Variants in TMEM135 observed in about 807,000 individuals in gnomAD.
TMEM135 encodes transmembrane protein 135.
In TMEM135, 30 loss-of-function variants were observed where a neutral mutation model predicts 60.3. The observed-to-expected ratio is 0.50, with a 90% CI of 0.37 to 0.68. The LOEUF (loss-of-function observed/expected upper bound fraction) is 0.68, where lower values mean the gene tolerates loss of function less well. Ranked by LOEUF, TMEM135 falls within the 30% of genes least tolerant of loss-of-function variation. TMEM135 has a pLI of 0.00. For synonymous variants in TMEM135, 190 were observed against 186.7 expected (o/e 1.02, Z -0.14); for missense variants, 468 against 548.8 (o/e 0.85, Z 1.47).
rs75602139 is a variant in TMEM135 at position 87,064,961 on chromosome 11, T to C, written c.142-2733T>C. 2.9e-3 allele frequency among the ~76,000 whole-genome samples: 403 copies of C among 138,004 alleles called. 1 individual carries two copies. Among genetic ancestry groups the C allele is most frequent in the African/African-American group, 8.3e-3 (329 of 39,718 alleles). 90.5% of individuals were successfully genotyped at this position (138,004 alleles called of 152,430 possible). On this transcript the variant is annotated intron_variant, in intron 1 of 14. Transcript: ENST00000305494. The stretch of plus-strand genomic sequence containing the variant: ...TAGCTTTAGGATTAGCTTTTTTTTT[T>C]TCCCCCCACTCAGTATAATTCTGTG...
At position 87,327,574 on chromosome 11, in the gene TMEM135, T is replaced by A; in HGVS notation, c.*6241T>A. 2 of 451,226 alleles carry A rather than the reference T, an allele frequency of 4.4e-6. No individual in the cohort carries two copies. The highest frequency in any genetic ancestry group is 8.9e-6 in the Non-Finnish European group (2 of 225,374). The allele number at this position is 451,226 out of a possible 1,614,324, so 28.0% of individuals were successfully genotyped here. On this transcript the variant is annotated 3_prime_UTR_variant, in exon 15 of 15. Transcript: ENST00000305494. Reference sequence around the variant, plus strand: ...ATAGAGAGAGACACAGAGAGAGATATGAGAGGGGATTAAGGGAGTTGGCTC... The same window carrying A: ...ATAGAGAGAGACACAGAGAGAGATAAGAGAGGGGATTAAGGGAGTTGGCTC...
intron 1 of TMEM135, among the ~76,000 whole-genome samples, chr11:87,062,333 A>G (rs971252359): frequency 4.3e-5 from 5 of 117,220 alleles, no homozygotes; most frequent in African/African-American, 1.6e-4. Flanking sequence ...TTGTTTTATA[A>G]TTTTCAAATT....
intron 5 of TMEM135, among the ~76,000 whole-genome samples, chr11:87,197,758 A>G (rs538244634): frequency 9.2e-5 from 14 of 152,270 alleles, no homozygotes; most frequent in Admixed American, 6.5e-4. Context: ...TTCACTTATT[A>G]GGGATATCAT....
At chr11:87,203,090 G>A (rs1940157158) in intron 5 of TMEM135, among the ~76,000 whole-genome samples, 1 of 148,618 alleles carries the variant, frequency 6.7e-6, no homozygotes, top group Non-Finnish European at 1.5e-5. Flanking sequence ...AATTGAGAAG[G>A]TCCAGAGATT....
intron 5 of TMEM135, among the ~76,000 whole-genome samples, chr11:87,230,082 A>G (rs1487647114): frequency 6.6e-6 from 1 of 152,040 alleles, no homozygotes. Flanking sequence ...TGTACCTATT[A>G]GCAGTCCTTC....
At chr11:87,189,295 G>A (rs531093976) in intron 5 of TMEM135, among the ~76,000 whole-genome samples, 1 of 152,152 alleles carries the variant, frequency 6.6e-6, no homozygotes, top group African/African-American at 2.4e-5. Flanking sequence ...CAAGTAGCTG[G>A]GATCACAGGC....
At chr11:87,060,444 G>C (rs1949934946) in intron 1 of TMEM135, among the ~76,000 whole-genome samples, 2 of 152,094 alleles carry the variant, frequency 1.3e-5, no homozygotes, top group African/African-American at 2.4e-5. Flanking sequence ...TAGGCAACTT[G>C]ATCTTCTGTA....
chr11:87,129,333 C>T (rs1347033580), intron 4 of TMEM135, among the ~76,000 whole-genome samples: 7 of 138,188 alleles, frequency 5.1e-5, no homozygotes, highest in African/African-American at 1.6e-4. Context: ...ACCTCTGCCT[C>T]CCAGGTTCAA....
At chr11:87,163,962 C>G (rs1313476582) in intron 5 of TMEM135, among the ~76,000 whole-genome samples, 5 of 148,428 alleles carry the variant, frequency 3.4e-5, no homozygotes, top group African/African-American at 1.2e-4. Context: ...GAGTAGGTTG[C>G]GAAAATTTTC....
At chr11:87,288,524 T>A (rs1171227447) in intron 6 of TMEM135, among the ~76,000 whole-genome samples, 1 of 152,256 alleles carries the variant, frequency 6.6e-6, no homozygotes, top group East Asian at 1.9e-4. Context: ...TTTCTCTTTT[T>A]ACATCATAAG....
chr11:87,116,614 A>AAC lies in TMEM135; in HGVS notation c.396+25233_396+25234dup, dbSNP rs200638026. ...TTAAGATTTATAGTATATATGTACA[A>AAC]ACACACACACACACATACACACACA... On this transcript the variant is annotated intron_variant, in intron 4 of 14. Coordinates refer to ENST00000305494, the MANE Select transcript of TMEM135 (RefSeq NM_022918.4). 3.2e-3 allele frequency among the ~76,000 whole-genome samples: 410 copies of AAC among 130,120 alleles called. 1 individual carries two copies. Among genetic ancestry groups the AAC allele is most frequent in the Non-Finnish European group, 5.3e-3 (315 of 59,892 alleles). The allele number at this position is 130,120 out of a possible 152,430, so 85.4% of individuals were successfully genotyped here.
At chr11:87,184,925 A>G (rs575643654) in intron 5 of TMEM135, among the ~76,000 whole-genome samples, 1 of 152,314 alleles carries the variant, frequency 6.6e-6, no homozygotes, top group African/African-American at 2.4e-5. Context: ...ATATTATAAA[A>G]TGATTTTTCA....
At chr11:87,250,970 G>A (rs909181965) in intron 6 of TMEM135, among the ~76,000 whole-genome samples, 2 of 152,140 alleles carry the variant, frequency 1.3e-5, no homozygotes, top group Non-Finnish European at 2.9e-5. Flanking sequence ...CAATGATACG[G>A]TGGAGAGTAG....
intron 1 of TMEM135, among the ~76,000 whole-genome samples, chr11:87,046,716 A>G (rs1290507170): frequency 6.6e-6 from 1 of 152,198 alleles, no homozygotes; most frequent in Non-Finnish European, 1.5e-5. Context: ...GGTTAGGTCG[A>G]CGAGGGAGAG....
intron 5 of TMEM135, among the ~76,000 whole-genome samples, chr11:87,218,136 A>C (rs919175338): frequency 6.6e-6 from 1 of 152,148 alleles, no homozygotes; most frequent in Non-Finnish European, 1.5e-5. Context: ...CAGCGATGCT[A>C]CTAAACATCC....
chr11:87,056,001 C>T (rs1050476513), intron 1 of TMEM135, among the ~76,000 whole-genome samples: 2 of 152,072 alleles, frequency 1.3e-5, no homozygotes, highest in African/African-American at 2.4e-5. Flanking sequence ...GTAGGATGTT[C>T]CTCAAAGTCA....
chr11:87,053,228 A>G (rs1949856880), intron 1 of TMEM135, among the ~76,000 whole-genome samples: 1 of 151,726 alleles, frequency 6.6e-6, no homozygotes, highest in Admixed American at 6.6e-5. Flanking sequence ...TGGAATACAT[A>G]AAAGGTAACT....
At chr11:87,125,261 G>A (rs1207620719) in intron 4 of TMEM135, among the ~76,000 whole-genome samples, 1 of 152,176 alleles carries the variant, frequency 6.6e-6, no homozygotes, top group Admixed American at 6.5e-5. Context: ...ACATAATAGA[G>A]GGAAAGTGGG....
intron 5 of TMEM135, among the ~76,000 whole-genome samples, chr11:87,229,356 C>A (rs1336791133): frequency 6.6e-6 from 1 of 152,028 alleles, no homozygotes; most frequent in African/African-American, 2.4e-5. Flanking sequence ...GGATTATAAA[C>A]CTGGGAGGCT....
Sources: allele counts gnomAD v4.1 joint callset (sites outside exome capture counted in the v4.1 genomes callset), GRCh38; gene constraint gnomAD v4.1.1; transcripts MANE v1.5; gene names NCBI Gene and HGNC (gene_info 2026-07-23, HGNC 2026-07-21).